The following EFCAB13 variants were observed in gnomAD, a reference collection of about 807,000 sequenced individuals.
The protein encoded by EFCAB13 is EF-hand calcium binding domain 13.
Under a neutral mutation model 110.2 loss-of-function variants are expected in EFCAB13, and 91 were observed. The observed-to-expected ratio is 0.83, with a 90% CI of 0.70 to 0.98. The LOEUF is 0.98. EFCAB13 is among the 50% of genes least tolerant of loss of function. The pLI, the probability that EFCAB13 is intolerant of heterozygous loss-of-function variation, is 0.00. For missense variants in EFCAB13, 968 were observed against 1,119.4 expected (o/e 0.86, Z 1.93); for synonymous variants, 323 against 369.9 (o/e 0.87, Z 1.45).
chr17:47,342,075 T>G (rs1264663674), intron 6 of EFCAB13, 43 bp downstream of exon 6: 2 of 1,167,770 alleles, frequency 1.7e-6, no homozygotes, highest in Non-Finnish European at 2.5e-6. Flanking sequence ...TTCAAATATT[T>G]TCCTTAGCCC....
At chr17:47,373,099 A>T (rs575433853) in intron 11 of EFCAB13, among the ~76,000 whole-genome samples, 1 of 152,052 alleles carries the variant, frequency 6.6e-6, no homozygotes, top group South Asian at 2.1e-4. Flanking sequence ...AGCTTTCCCC[A>T]TTATTTTTCA....
At chr17:47,392,214 C>A (rs1010264926) in intron 15 of EFCAB13, among the ~76,000 whole-genome samples, 5 of 151,888 alleles carry the variant, frequency 3.3e-5, no homozygotes, top group African/African-American at 1.2e-4. Context: ...TTGTATGATA[C>A]CTGTATAGAG....
intron 9 of EFCAB13, among the ~76,000 whole-genome samples, chr17:47,359,517 G>GTTTTTT (rs71141905): frequency 7.9e-6 from 1 of 127,214 alleles, no homozygotes. Context: ...TGGGAATTGT[G>GTTTTTT]TTTTTTTTTT....
At chr17:47,429,411 A>G (rs1342705406) in intron 23 of EFCAB13, among the ~76,000 whole-genome samples, 1 of 152,216 alleles carries the variant, frequency 6.6e-6, no homozygotes, top group Non-Finnish European at 1.5e-5. Flanking sequence ...TCTACTTGAA[A>G]GGCACAGTGG....
At chr17:47,397,738 G>A (rs922733001) in intron 17 of EFCAB13, among the ~76,000 whole-genome samples, 1 of 151,642 alleles carries the variant, frequency 6.6e-6, no homozygotes, top group African/African-American at 2.4e-5. Context: ...TCTCTGCCCG[G>A]CCGCCCCGTC....
At chr17:47,329,352 A>G (rs2143214679) in intron 4 of EFCAB13, among the ~76,000 whole-genome samples, 1 of 152,256 alleles carries the variant, frequency 6.6e-6, no homozygotes, top group East Asian at 1.9e-4. Context: ...AGTGAAATTC[A>G]GCATTGTCAA....
chr17:47,359,190 G>A (rs60521210), intron 9 of EFCAB13, among the ~76,000 whole-genome samples: 2,630 of 152,120 alleles, frequency 0.017, 61 homozygotes, highest in African/African-American at 0.057. Context: ...AGAAATTAGC[G>A]GGGCATAGTG....
intron 22 of EFCAB13, among the ~76,000 whole-genome samples, chr17:47,414,317 C>T (rs769634347): frequency 2.0e-5 from 3 of 152,026 alleles, no homozygotes; most frequent in Non-Finnish European, 4.4e-5. Flanking sequence ...AACATTGTCT[C>T]CTCTGGCCTT....
At chr17:47,353,624 A>G (rs1432408197) in intron 9 of EFCAB13, among the ~76,000 whole-genome samples, 2 of 152,300 alleles carry the variant, frequency 1.3e-5, no homozygotes, top group Middle Eastern at 3.4e-3. Flanking sequence ...AATCAAGGAT[A>G]TGTGAATGTG....
rs559966252 is a variant in EFCAB13 at position 47,360,178 on chromosome 17, C to G, written c.662-1200C>G. Among the ~76,000 whole-genome samples, 43 of 152,232 alleles carry G rather than the reference C, an allele frequency of 2.8e-4. No homozygotes were observed. In the East Asian group the frequency reaches 4.1e-3, roughly 14 times the overall value. ...GCTGGGTCAAATGGTATTTCTAGTT[C>G]TAGATCCCTGAGGAATTGCCACACT... On this transcript the variant is annotated intron_variant, in intron 9 of 24. Transcript: ENST00000331493.
intron 14 of EFCAB13, among the ~76,000 whole-genome samples, chr17:47,389,951 A>G (rs1207803228): frequency 3.3e-5 from 5 of 152,154 alleles, no homozygotes; most frequent in Admixed American, 1.3e-4. Flanking sequence ...TGTATGTACT[A>G]TTTACACATC....
intron 14 of EFCAB13, among the ~76,000 whole-genome samples, chr17:47,385,706 AT>A (rs2065672161): frequency 6.6e-6 from 1 of 151,988 alleles, no homozygotes; most frequent in Non-Finnish European, 1.5e-5. Flanking sequence ...AGTTGCAATC[AT>A]TTGGAGGAGA....
chr17:47,379,476 A>T lies in EFCAB13; in HGVS notation c.1582+223A>T, dbSNP rs577220069. Among the ~76,000 whole-genome samples the T allele has an allele frequency of 6.6e-5, 10 of 152,280 alleles. No individual in the cohort carries two copies. In the South Asian group the frequency reaches 1.9e-3, roughly 28 times the overall value. ...CGTGAATTTTGCAAACTGAAAAGTG[A>T]GCCATAAATGTATGGTAATAATGAT... is the stretch of plus-strand genomic sequence containing the variant. On this transcript the variant is annotated intron_variant, in intron 14 of 24. Transcript: ENST00000331493.
At chr17:47,364,527 G>A (rs1403481709) in intron 10 of EFCAB13, among the ~76,000 whole-genome samples, 3 of 152,094 alleles carry the variant, frequency 2.0e-5, no homozygotes. Context: ...TGGCCAGGAT[G>A]GTCTCGATCT....
At chr17:47,377,103 T>C (rs2065619759) in intron 12 of EFCAB13, among the ~76,000 whole-genome samples, 1 of 152,152 alleles carries the variant, frequency 6.6e-6, no homozygotes, top group African/African-American at 2.4e-5. Flanking sequence ...ACATTTTTGC[T>C]TGGAATTCTT....
At chr17:47,353,357 C>T (rs2065463752) in intron 9 of EFCAB13, among the ~76,000 whole-genome samples, 1 of 151,812 alleles carries the variant, frequency 6.6e-6, no homozygotes, top group Non-Finnish European at 1.5e-5. Context: ...TGCAGTGACA[C>T]AATCTTGGCT....
chr17:47,410,017 A>G lies in EFCAB13; in HGVS notation c.2278+326A>G, dbSNP rs571377981. 1.5e-4 allele frequency among the ~76,000 whole-genome samples: 23 copies of G among 152,134 alleles called. 1 individual carries two copies. The South Asian group carries it at 4.8e-3, about 32-fold the overall frequency. On this transcript the variant is annotated intron_variant, in intron 21 of 24. Transcript: ENST00000331493. ...TTTCCTCCCACTACAAGACTTTTGC[A>G]TATTCTATTCCCTGGAATATTCTTC... is the stretch of plus-strand genomic sequence containing the variant.
intron 17 of EFCAB13, among the ~76,000 whole-genome samples, chr17:47,398,002 C>A (rs1365569037): frequency 2.7e-5 from 4 of 148,866 alleles, no homozygotes; most frequent in African/African-American, 9.9e-5. Context: ...GCCGCCCCGT[C>A]CGGGAGGGAG....
rs1290262947 is a variant in EFCAB13 at position 47,421,038 on chromosome 17, G to A, written c.2494+6119G>A. Among the ~76,000 whole-genome samples, 19 of 149,390 alleles carry A rather than the reference G, an allele frequency of 1.3e-4. No individual in the cohort carries two copies. The East Asian group carries it at 2.3e-3, about 18-fold the overall frequency. On this transcript the variant is annotated intron_variant, in intron 23 of 24. Transcript: ENST00000331493. ...AGGGAGGTGGGGGGGTCAGCCCCCCGCCCGGCCAGCCACCCCGCCCGGGAG... is the reference window on the plus strand; with the variant it reads ...AGGGAGGTGGGGGGGTCAGCCCCCCACCCGGCCAGCCACCCCGCCCGGGAG...
Sources: gnomAD v4.1 joint callset for allele counts (sites outside exome capture counted in the v4.1 genomes callset) on GRCh38, gnomAD v4.1.1 for gene constraint, MANE v1.5 for transcripts, NCBI Gene and HGNC (gene_info 2026-07-23, HGNC 2026-07-21) for gene names.